Variants in CSMD1 observed in about 807,000 individuals in gnomAD.
CSMD1 encodes CUB and sushi domain-containing protein 1.
In CSMD1, 213 loss-of-function variants were observed where a neutral mutation model predicts 417.5. The ratio of observed to expected loss-of-function variants is 0.51; its 90% CI spans 0.46 to 0.57. The LOEUF is 0.57. Among genes scored for constraint, CSMD1 ranks in the 20% least tolerant of loss-of-function variants. The probability of loss-of-function intolerance (pLI) is 0.00; values close to 1 mark genes in which losing one functional copy is unlikely to be tolerated. For missense variants in CSMD1, 6,923 were observed against 4,529.7 expected (o/e 1.53, Z -15.17); for synonymous variants, 2,862 against 1,736.8 (o/e 1.65, Z -16.11).
intron 49 of CSMD1, among the ~76,000 whole-genome samples, chr8:3,084,799 T>C (rs1440960202): frequency 3.3e-5 from 5 of 152,034 alleles, no homozygotes; most frequent in African/African-American, 1.2e-4. Context: ...TTTTTACTCT[T>C]CATTTTAAAG....
At chr8:3,957,067 C>T (rs1462209310) in intron 5 of CSMD1, among the ~76,000 whole-genome samples, 1 of 152,084 alleles carries the variant, frequency 6.6e-6, no homozygotes, top group African/African-American at 2.4e-5. Context: ...GAGACAAAAA[C>T]GCCGGGGGAG....
At chr8:3,110,462 T>G (rs955162759) in intron 42 of CSMD1, 127 bp from the exon 43 acceptor site, 1 of 710,732 alleles carries the variant, frequency 1.4e-6, no homozygotes, top group African/African-American at 1.8e-5. Flanking sequence ...GAAATATTTC[T>G]GAATCACCAT....
At chr8:3,874,655 C>A (rs186039030) in intron 5 of CSMD1, among the ~76,000 whole-genome samples, 14 of 152,088 alleles carry the variant, frequency 9.2e-5, no homozygotes, top group African/African-American at 3.4e-4. Flanking sequence ...AAGAAGCTGC[C>A]ATGTTTTTCT....
At chr8:4,848,200 A>G (rs1801255528) in intron 1 of CSMD1, among the ~76,000 whole-genome samples, 1 of 152,192 alleles carries the variant, frequency 6.6e-6, no homozygotes, top group Admixed American at 6.5e-5. Flanking sequence ...GAAATGGCAC[A>G]GTTTGTCTAT....
intron 5 of CSMD1, among the ~76,000 whole-genome samples, chr8:3,817,352 C>T (rs1033844979): frequency 7.3e-6 from 1 of 137,058 alleles, no homozygotes; most frequent in South Asian, 2.5e-4. Flanking sequence ...GGGATCTTGG[C>T]TCACTGCAAC....
chr8:3,811,545 T>A (rs1308410854), intron 5 of CSMD1, among the ~76,000 whole-genome samples: 1 of 152,118 alleles, frequency 6.6e-6, no homozygotes, highest in Non-Finnish European at 1.5e-5. Context: ...ATGTGTTCTT[T>A]TCTCTGCACG....
intron 1 of CSMD1, among the ~76,000 whole-genome samples, chr8:4,731,343 G>A (rs1272356523): frequency 1.3e-5 from 2 of 152,000 alleles, no homozygotes; most frequent in African/African-American, 4.8e-5. Context: ...TAAGCTTACC[G>A]GCCATTCAGG....
At chr8:3,444,822 G>C (rs1166649783) in intron 12 of CSMD1, among the ~76,000 whole-genome samples, 1 of 152,134 alleles carries the variant, frequency 6.6e-6, no homozygotes, top group Admixed American at 6.5e-5. Flanking sequence ...TTTTATAGGA[G>C]AACCTCAGCA....
rs1021285317 is a variant in CSMD1 at position 3,525,101 on chromosome 8, C to A, written c.1345-31375G>T. Reference sequence around the variant, plus strand: ...TAAAGTGAATCTCTTATTTTTCAAGCTCAAAGTTACACACATAGAAGGCTC... The same window carrying A: ...TAAAGTGAATCTCTTATTTTTCAAGATCAAAGTTACACACATAGAAGGCTC... On this transcript the variant is annotated intron_variant, in intron 10 of 69. Coordinates refer to ENST00000635120, the MANE Select transcript of CSMD1 (RefSeq NM_033225.6). Among the ~76,000 whole-genome samples the A allele has an allele frequency of 3.3e-5, 5 of 152,194 alleles. No individual in the cohort carries two copies. In the East Asian group the frequency reaches 7.7e-4, roughly 24 times the overall value.
At chr8:3,750,050 G>C (rs1019236714) in intron 6 of CSMD1, among the ~76,000 whole-genome samples, 3 of 152,058 alleles carry the variant, frequency 2.0e-5, no homozygotes, top group African/African-American at 7.2e-5. Context: ...AGTTCTTTAT[G>C]TTTTAAAATT....
At chr8:3,083,258 C>A (rs1299996381) in intron 49 of CSMD1, among the ~76,000 whole-genome samples, 4 of 151,834 alleles carry the variant, frequency 2.6e-5, no homozygotes, top group Non-Finnish European at 5.9e-5. Context: ...AAATAAAATT[C>A]TCTAAGTGTC....
intron 37 of CSMD1, among the ~76,000 whole-genome samples, chr8:3,163,380 G>A (rs1243705165): frequency 6.6e-6 from 1 of 151,846 alleles, no homozygotes; most frequent in East Asian, 1.9e-4. Context: ...AAGCTGGGGT[G>A]GAGGAGGTGA....
At chr8:4,382,381 C>T (rs1261405510) in intron 3 of CSMD1, among the ~76,000 whole-genome samples, 2 of 152,138 alleles carry the variant, frequency 1.3e-5, no homozygotes, top group African/African-American at 4.8e-5. Flanking sequence ...CAGATAATTC[C>T]GGAGAGGAGC....
intron 2 of CSMD1, among the ~76,000 whole-genome samples, chr8:4,453,877 A>T (rs1445602355): frequency 8.3e-6 from 1 of 120,274 alleles, no homozygotes; most frequent in East Asian, 2.6e-4. Flanking sequence ...GCTGGAGTGC[A>T]CTGGCGCGAC....
At chr8:3,893,170 T>TG (rs1275626295) in intron 5 of CSMD1, among the ~76,000 whole-genome samples, 1 of 151,474 alleles carries the variant, frequency 6.6e-6, no homozygotes, top group African/African-American at 2.4e-5. Context: ...AAAGCTGCAG[T>TG]GAAAAAACAT....
chr8:3,863,494 G>A (rs1035626479), intron 5 of CSMD1, among the ~76,000 whole-genome samples: 3 of 151,056 alleles, frequency 2.0e-5, no homozygotes, highest in African/African-American at 4.9e-5. Context: ...CTCTAAATAC[G>A]AACCACATCA....
chr8:4,923,706 C>T (rs1343823421), intron 1 of CSMD1, among the ~76,000 whole-genome samples: 1 of 152,104 alleles, frequency 6.6e-6, no homozygotes, highest in African/African-American at 2.4e-5. Context: ...ACTATCAGTG[C>T]TTGGGAGTTA....
chr8:3,994,422 T>C (rs917611263), intron 5 of CSMD1, among the ~76,000 whole-genome samples: 4 of 134,434 alleles, frequency 3.0e-5, no homozygotes, highest in Admixed American at 2.5e-4. Context: ...GTACAAGTTA[T>C]AGGCTACACC....
rs148448235 is a variant in CSMD1, at chr8:4,223,289, C to T, written c.416-191190G>A. Reference sequence around the variant, plus strand: ...TTCTGAGCATCCAGACTTTTTGCCTCGAAATTCACCTGCACACTCGTGGGG... The same window carrying T: ...TTCTGAGCATCCAGACTTTTTGCCTTGAAATTCACCTGCACACTCGTGGGG... On this transcript the variant is annotated intron_variant, in intron 3 of 69. Transcript: ENST00000635120. Among the ~76,000 whole-genome samples, 9 of 152,286 alleles carry T rather than the reference C, an allele frequency of 5.9e-5. No individual in the cohort carries two copies. The East Asian group carries it at 1.4e-3, about 23-fold the overall frequency.
Sources: gnomAD v4.1 joint callset for allele counts (sites outside exome capture counted in the v4.1 genomes callset) on GRCh38, gnomAD v4.1.1 for gene constraint, MANE v1.5 for transcripts, NCBI Gene and HGNC (gene_info 2026-07-23, HGNC 2026-07-21) for gene names.